UBE2G1: variants seen among roughly 807,000 people sequenced by gnomAD.
The protein encoded by UBE2G1 is ubiquitin conjugating enzyme E2 G1.
In UBE2G1, 5 loss-of-function variants were observed where a neutral mutation model predicts 22.7. The ratio of observed to expected loss-of-function variants is 0.22; its 90% CI spans 0.12 to 0.46. The LOEUF is 0.46. Among genes scored for constraint, UBE2G1 ranks in the 20% least tolerant of loss-of-function variants. The pLI is 0.99. For synonymous variants in UBE2G1, 74 were observed against 67.5 expected, an observed-to-expected ratio of 1.10 and a Z score of -0.47; for missense variants, 88 against 203.9, an observed-to-expected ratio of 0.43 and a Z score of 3.46.
At chr17:4,363,184 T>C (rs1170220786) in intron 1 of UBE2G1, among the ~76,000 whole-genome samples, 3 of 152,220 alleles carry the variant, frequency 2.0e-5, no homozygotes, top group Non-Finnish European at 4.4e-5. Context: ...TCCAATAAAT[T>C]TGATATGTTT....
At chr17:4,351,782 G>A (rs560721280) in intron 1 of UBE2G1, among the ~76,000 whole-genome samples, 2 of 152,258 alleles carry the variant, frequency 1.3e-5, no homozygotes, top group Non-Finnish European at 2.9e-5. Flanking sequence ...GAGTATCAAG[G>A]AAGACCTCGG....
At chr17:4,313,533 C>T (rs1969334722) in intron 1 of UBE2G1, among the ~76,000 whole-genome samples, 1 of 152,170 alleles carries the variant, frequency 6.6e-6, no homozygotes, top group Admixed American at 6.5e-5. Flanking sequence ...ACCTCTCTTT[C>T]TCACAAAAGT....
chr17:4,324,930 A>G (rs185305556), intron 1 of UBE2G1, among the ~76,000 whole-genome samples: 1 of 151,836 alleles, frequency 6.6e-6, no homozygotes, highest in African/African-American at 2.4e-5. Context: ...ACAAAAAATT[A>G]GCCGGGCGTG....
intron 2 of UBE2G1, among the ~76,000 whole-genome samples, chr17:4,305,024 C>A (rs1460689734): frequency 6.6e-6 from 1 of 151,032 alleles, no homozygotes; most frequent in African/African-American, 2.4e-5. Context: ...ACGATCCCGG[C>A]TCACTGCAAC....
intron 1 of UBE2G1, among the ~76,000 whole-genome samples, chr17:4,358,456 C>CT (rs766693439): frequency 2.8e-4 from 41 of 147,412 alleles, no homozygotes; most frequent in Admixed American, 7.5e-4. Context: ...TTTGAATTGA[C>CT]TTTTTTTTTT....
chr17:4,325,415 T>C (rs1053467874), intron 1 of UBE2G1, among the ~76,000 whole-genome samples: 2 of 152,226 alleles, frequency 1.3e-5, no homozygotes, highest in African/African-American at 4.8e-5. Flanking sequence ...AAATTGTACA[T>C]ATTTACATTG....
At chr17:4,273,233 T>C (rs1442017987) in intron 5 of UBE2G1, among the ~76,000 whole-genome samples, 3 of 152,246 alleles carry the variant, frequency 2.0e-5, no homozygotes, top group Non-Finnish European at 2.9e-5. Flanking sequence ...ATTTCCTGAA[T>C]GCTCACAATC....
Position 4,366,406 on chromosome 17 carries a change from ACCCGGG to A in UBE2G1, c.-96_-91del. The A allele has an allele frequency of 7.8e-7, 1 of 1,287,084 alleles. No individual in the cohort carries two copies. The highest frequency in any genetic ancestry group is 1.5e-5 in the African/African-American group (1 of 64,724). 79.7% of individuals were successfully genotyped at this position (1,287,084 alleles called of 1,614,324 possible). On this transcript the variant is annotated 5_prime_UTR_variant, in exon 1 of 6. Coordinates refer to ENST00000396981, the MANE Select transcript of UBE2G1 (RefSeq NM_003342.5). Reference sequence around the variant, plus strand: ...CGGCTGGAGCGGGGTGTGCCGAGGAACCCGGGCCCCGCGACCGGAGCGCCGGAGCCG... The same window carrying A: ...CGGCTGGAGCGGGGTGTGCCGAGGAACCCCGCGACCGGAGCGCCGGAGCCG...
rs1968764222 is a variant in UBE2G1, at chr17:4,271,888, G to T, written c.*666C>A. 6.6e-6 allele frequency: 1 copy of T among 152,558 alleles called. No homozygotes were observed. Among genetic ancestry groups the T allele is most frequent in the African/African-American group, 2.4e-5 (1 of 41,436 alleles). The allele number at this position is 152,558 out of a possible 1,614,324, so 9.5% of individuals were successfully genotyped here. A position where few individuals can be genotyped will look rare whatever the true frequency, so the allele number is the denominator to read the frequency against. ...CAAAAAGGACAAAGCACCTAGTGAT[G>T]ACTCCTTCGAAGTCATCATTAAAAA... is the stretch of plus-strand genomic sequence containing the variant. On this transcript the variant is annotated 3_prime_UTR_variant, in exon 6 of 6. Transcript: ENST00000396981.
chr17:4,365,474 GGCCGACCCGGCC>G (rs1293991785), intron 1 of UBE2G1, among the ~76,000 whole-genome samples: 3 of 152,200 alleles, frequency 2.0e-5, no homozygotes, highest in Non-Finnish European at 4.4e-5. Context: ...TCCTCGGGGA[GGCCGACCCGGCC>G]GCCGCCCCGG....
intron 5 of UBE2G1, 89 bp from the exon 6 acceptor site, chr17:4,272,605 T>C (rs1030899608): frequency 4.3e-5 from 8 of 186,498 alleles, no homozygotes; most frequent in South Asian, 2.9e-4. Flanking sequence ...TAGATTTATT[T>C]GACAACAAAT....
rs537604013 is a variant in UBE2G1 at position 4,283,201 on chromosome 17, G to C, written c.427-280C>G. On this transcript the variant is annotated intron_variant, in intron 4 of 5. Transcript: ENST00000396981. ...TACAGTTTTGTATTACACTGAAATAGAAAGCTAAAATATACCAATAAGACA... is the reference window on the plus strand; with the variant it reads ...TACAGTTTTGTATTACACTGAAATACAAAGCTAAAATATACCAATAAGACA... Among the ~76,000 whole-genome samples, 8 of 152,328 alleles carry C rather than the reference G, an allele frequency of 5.3e-5. No homozygotes were observed. The East Asian group carries it at 1.3e-3, about 26-fold the overall frequency.
At position 4,366,250 on chromosome 17, in the gene UBE2G1, C is replaced by T. The variant is rs745677205; in HGVS notation, c.46+21G>A. ...TCCGCGATCGCGGCCGGGCCCGGCG[C>T]CCCGCCGCCCGCCTGCTCACCTGCC... is the stretch of plus-strand genomic sequence containing the variant. On this transcript the variant is annotated intron_variant, in intron 1 of 5. Coordinates refer to ENST00000396981, the MANE Select transcript of UBE2G1 (RefSeq NM_003342.5). The T allele has an allele frequency of 6.5e-6, 10 of 1,532,506 alleles. No homozygotes were observed. In the South Asian group the frequency reaches 1.1e-4, roughly 16 times the overall value. 94.9% of individuals were successfully genotyped at this position (1,532,506 alleles called of 1,614,324 possible).
intron 5 of UBE2G1, among the ~76,000 whole-genome samples, chr17:4,280,073 T>C (rs1968868568): frequency 6.6e-6 from 1 of 151,376 alleles, no homozygotes. Context: ...TCTCACTCTG[T>C]AGCCCAGGCT....
chr17:4,328,889 A>G (rs558923911), intron 1 of UBE2G1, among the ~76,000 whole-genome samples: 1 of 152,294 alleles, frequency 6.6e-6, no homozygotes, highest in African/African-American at 2.4e-5. Flanking sequence ...GATCAAGACC[A>G]TCCTGGCTAA....
At chr17:4,300,117 A>T (rs1969158354) in intron 2 of UBE2G1, among the ~76,000 whole-genome samples, 1 of 150,616 alleles carries the variant, frequency 6.6e-6, no homozygotes, top group South Asian at 2.1e-4. Context: ...ACTAACTAGT[A>T]CCCAACTTGT....
chr17:4,318,132 A>G (rs1371472434), intron 1 of UBE2G1, among the ~76,000 whole-genome samples: 1 of 152,176 alleles, frequency 6.6e-6, no homozygotes, highest in Non-Finnish European at 1.5e-5. Flanking sequence ...ACGTTGCAAC[A>G]CGGAGAAGAT....
At chr17:4,297,961 T>C (rs919051527) in intron 2 of UBE2G1, among the ~76,000 whole-genome samples, 2 of 152,212 alleles carry the variant, frequency 1.3e-5, no homozygotes, top group African/African-American at 4.8e-5. Flanking sequence ...GATTACCCAG[T>C]TACTCTAACC....
At chr17:4,310,427 T>G (rs1969296635) in intron 1 of UBE2G1, among the ~76,000 whole-genome samples, 1 of 152,100 alleles carries the variant, frequency 6.6e-6, no homozygotes, top group Admixed American at 6.5e-5. Flanking sequence ...AGAAAAGAAA[T>G]AAAGGATTTG....
Sources: allele counts gnomAD v4.1 joint callset (sites outside exome capture counted in the v4.1 genomes callset), GRCh38; gene constraint gnomAD v4.1.1; transcripts MANE v1.5; gene names NCBI Gene and HGNC (gene_info 2026-07-23, HGNC 2026-07-21).